The following PTPRG variants were observed in gnomAD, a reference collection of about 807,000 sequenced individuals.
PTPRG encodes receptor-type tyrosine-protein phosphatase gamma.
In PTPRG, 102 loss-of-function variants were observed where a neutral mutation model predicts 165.3. The observed-to-expected ratio is 0.62, with a 90% CI of 0.53 to 0.73. The LOEUF (loss-of-function observed/expected upper bound fraction) is 0.73. PTPRG is among the 30% of genes least tolerant of loss of function. The probability of loss-of-function intolerance (pLI) is 0.00; values close to 1 mark genes in which losing one functional copy is unlikely to be tolerated. For missense variants in PTPRG, 1,866 were observed against 1,861.4 expected (o/e 1.00, Z -0.05); for synonymous variants, 675 against 669.5 (o/e 1.01, Z -0.13).
chr3:62,111,130 A>G (rs192659057), intron 5 of PTPRG, among the ~76,000 whole-genome samples: 3 of 152,216 alleles, frequency 2.0e-5, no homozygotes, highest in African/African-American at 7.2e-5. Flanking sequence ...TTAAGATGTT[A>G]TTATGCCAGA....
intron 1 of PTPRG, chr3:61,742,958 C>T: frequency 1.3e-6 from 2 of 1,489,182 alleles, no homozygotes; most frequent in Non-Finnish European, 1.9e-6. Context: ...CTGACGGTGC[C>T]CGAGAAGCAC....
intron 1 of PTPRG, among the ~76,000 whole-genome samples, chr3:61,568,767 G>A (rs1489545995): frequency 6.6e-6 from 1 of 152,092 alleles, no homozygotes; most frequent in Non-Finnish European, 1.5e-5. Context: ...AATTAGCTGG[G>A]CATGGTGGTG....
intron 6 of PTPRG, among the ~76,000 whole-genome samples, chr3:62,141,528 A>G (rs570110606): frequency 6.6e-6 from 1 of 152,210 alleles, no homozygotes; most frequent in Admixed American, 6.5e-5. Flanking sequence ...TGAGCCCAGG[A>G]GGCAGAGGTT....
At chr3:61,775,033 G>A (rs914472783) in intron 2 of PTPRG, among the ~76,000 whole-genome samples, 4 of 151,976 alleles carry the variant, frequency 2.6e-5, no homozygotes, top group Admixed American at 6.6e-5. Context: ...TTTTTGACTC[G>A]TATGTGATGG....
chr3:61,691,348 A>G lies in PTPRG; in HGVS notation c.86-57530A>G, dbSNP rs966890253. 2.0e-5 allele frequency among the ~76,000 whole-genome samples: 3 copies of G among 152,308 alleles called. No individual in the cohort carries two copies. In the East Asian group the frequency reaches 5.8e-4, roughly 29 times the overall value. ...CTTAAGCCCAGGACATAAAGGCTAC[A>G]GTGAGTTGTGATCACACCACTGCAC... On this transcript the variant is annotated intron_variant, in intron 1 of 29. Transcript: ENST00000474889.
At chr3:62,155,113 C>G (rs1314021107) in intron 6 of PTPRG, among the ~76,000 whole-genome samples, 3 of 152,206 alleles carry the variant, frequency 2.0e-5, no homozygotes, top group Non-Finnish European at 4.4e-5. Context: ...TATTTCTAGC[C>G]TTTTGTACAG....
chr3:62,291,593 A>C (rs1270361313), intron 28 of PTPRG, among the ~76,000 whole-genome samples: 1 of 152,168 alleles, frequency 6.6e-6, no homozygotes, highest in Non-Finnish European at 1.5e-5. Context: ...GTAATATTTT[A>C]ATTTTATGTA....
intron 4 of PTPRG, among the ~76,000 whole-genome samples, chr3:62,029,039 A>G (rs1699676492): frequency 6.6e-6 from 1 of 152,206 alleles, no homozygotes; most frequent in Non-Finnish European, 1.5e-5. Flanking sequence ...TGCACAACAT[A>G]CATGGCAGAC....
chr3:62,214,383 G>T lies in PTPRG; in HGVS notation c.2156-4468G>T, dbSNP rs1202361094. On this transcript the variant is annotated intron_variant, in intron 12 of 29. Transcript: ENST00000474889. The surrounding 1 kb of genome is among the most constrained non-coding windows in gnomAD (Gnocchi z 5.2). ...TCACAATAGTTAACATTAACCAGGT[G>T]CCAGGCAACATTCTAAGTGTTTTGT... is the stretch of plus-strand genomic sequence containing the variant. 6.6e-6 allele frequency among the ~76,000 whole-genome samples: 1 copy of T among 152,198 alleles called. No homozygotes were observed. Among genetic ancestry groups the T allele is most frequent in the Non-Finnish European group, 1.5e-5 (1 of 68,038 alleles).
intron 2 of PTPRG, among the ~76,000 whole-genome samples, chr3:61,909,992 T>C (rs2038759844): frequency 6.6e-6 from 1 of 152,240 alleles, no homozygotes; most frequent in South Asian, 2.1e-4. Context: ...TGGTTTGTTT[T>C]GCTTTACTTC....
chr3:61,928,081 A>G (rs1014147819), intron 2 of PTPRG, among the ~76,000 whole-genome samples: 1 of 152,152 alleles, frequency 6.6e-6, no homozygotes. Context: ...TGGATTATGC[A>G]CTATTTCTCT....
At chr3:61,638,591 GT>G (rs34396141) in intron 1 of PTPRG, among the ~76,000 whole-genome samples, 17,948 of 57,452 alleles carry the variant, frequency 0.31, 2,013 homozygotes, top group Non-Finnish European at 0.36. Flanking sequence ...TGCCTGGCTA[GT>G]TTTTTTTTTT....
rs1703801971 is a variant in PTPRG, at chr3:62,138,556, T to C, written c.682+5888T>C. On this transcript the variant is annotated intron_variant, in intron 6 of 29. Transcript: ENST00000474889. ...CAACATGGTGAATCTCCATCTCTAC[T>C]AAAAATACAACAATTAGCCAGACAT... Among the ~76,000 whole-genome samples the C allele has an allele frequency of 2.6e-5, 4 of 151,862 alleles. No homozygotes were observed. The South Asian group carries it at 6.2e-4, about 24-fold the overall frequency.
At chr3:61,642,528 C>G (rs1418681814) in intron 1 of PTPRG, among the ~76,000 whole-genome samples, 1 of 152,266 alleles carries the variant, frequency 6.6e-6, no homozygotes, top group African/African-American at 2.4e-5. Flanking sequence ...CATTTTGCCC[C>G]TGGCACCGCA....
chr3:62,123,877 G>A (rs1703176909), intron 5 of PTPRG, among the ~76,000 whole-genome samples: 1 of 152,088 alleles, frequency 6.6e-6, no homozygotes, highest in African/African-American at 2.4e-5. Flanking sequence ...TTGAAAAAAG[G>A]CAAAGTCTGC....
At chr3:61,700,765 AT>A (rs991082206) in intron 1 of PTPRG, among the ~76,000 whole-genome samples, 5 of 152,014 alleles carry the variant, frequency 3.3e-5, no homozygotes, top group African/African-American at 9.7e-5. Flanking sequence ...AAATTCCCCT[AT>A]TTTTTTCACA....
intron 4 of PTPRG, among the ~76,000 whole-genome samples, chr3:62,047,692 C>G (rs981562238): frequency 2.6e-5 from 4 of 152,194 alleles, no homozygotes; most frequent in African/African-American, 4.8e-5. Flanking sequence ...ATTTTCCCCT[C>G]TCATTTAATG....
Position 62,014,790 on chromosome 3 carries a change from G to T in PTPRG, c.519+11293G>T, listed in dbSNP as rs369314257. ...TCATTTATTGGAAGGGTATAAGTGG[G>T]TACTGAAATACCTAAGCATATATAG... On this transcript the variant is annotated intron_variant, in intron 4 of 29. Coordinates refer to ENST00000474889, the MANE Select transcript of PTPRG (RefSeq NM_002841.4). Among the ~76,000 whole-genome samples the T allele has an allele frequency of 3.2e-4, 48 of 152,246 alleles. 6 individuals are homozygous for T. Among genetic ancestry groups the T allele is most frequent in the East Asian group, 2.3e-3 (12 of 5,174 alleles).
chr3:61,700,546 T>C (rs2030896238), intron 1 of PTPRG, among the ~76,000 whole-genome samples: 1 of 152,224 alleles, frequency 6.6e-6, no homozygotes, highest in Admixed American at 6.5e-5. Flanking sequence ...TTACCCATTA[T>C]AACATATTTC....
Sources: gnomAD v4.1 joint callset for allele counts (sites outside exome capture counted in the v4.1 genomes callset) on GRCh38, gnomAD v4.1.1 for gene constraint, Gnocchi (gnomAD v3.1) non-coding constraint, MANE v1.5 for transcripts, NCBI Gene and HGNC (gene_info 2026-07-23, HGNC 2026-07-21) for gene names.